Variants in CUX1 observed in about 807,000 individuals in gnomAD.
CUX1 encodes the protein cut like homeobox 1.
Under a neutral mutation model 158.8 loss-of-function variants are expected in CUX1, and 31 were observed. The observed-to-expected ratio is 0.20, with a 90% CI of 0.15 to 0.26. The LOEUF is 0.26. Among genes scored for constraint, CUX1 ranks in the 10% least tolerant of loss-of-function variants. The probability of loss-of-function intolerance (pLI) is 1.00; values close to 1 mark genes in which losing one functional copy is unlikely to be tolerated. For missense variants in CUX1, 1,589 were observed against 2,014.6 expected, an observed-to-expected ratio of 0.79 and a Z score of 4.04; for synonymous variants, 879 against 862.1, an observed-to-expected ratio of 1.02 and a Z score of -0.34.
rs545462729 is a variant in CUX1 at position 102,075,003 on chromosome 7, C to T, written c.268+4586C>T. Among the ~76,000 whole-genome samples, 145 of 152,256 alleles carry T rather than the reference C, an allele frequency of 9.5e-4. 1 individual carries two copies. The highest frequency in any genetic ancestry group is 3.2e-3 in the African/African-American group (133 of 41,554). On this transcript the variant is annotated intron_variant, in intron 4 of 23. Coordinates refer to ENST00000292535, the MANE Select transcript of CUX1 (RefSeq NM_181552.4). Reference sequence around the variant, plus strand: ...CCTCCCAAGTAGCTGGGATTACAGGCGTGCGCCACCACACCTGGCTAATTT... The same window carrying T: ...CCTCCCAAGTAGCTGGGATTACAGGTGTGCGCCACCACACCTGGCTAATTT...
Position 101,869,665 on chromosome 7 carries a change from G to T in CUX1, c.31-46450G>T, listed in dbSNP as rs10229003. On this transcript the variant is annotated intron_variant, in intron 1 of 23. Coordinates refer to ENST00000292535, the MANE Select transcript of CUX1 (RefSeq NM_181552.4). The surrounding 1 kb of genome is among the most constrained non-coding windows in gnomAD (Gnocchi z 4.5). The stretch of plus-strand genomic sequence containing the variant: ...TGGTGTGCACACGCGGGGAGCCTCC[G>T]TGTCCTCAGGACACCATGGAAGACG... Among the ~76,000 whole-genome samples, 58,157 of 151,840 alleles carry T rather than the reference G, an allele frequency of 0.38. 12,482 individuals carry two copies. The highest frequency in any genetic ancestry group is 0.89 in the East Asian group (4,541 of 5,130).
chr7:101,912,209 C>G (rs1315496960), intron 1 of CUX1, among the ~76,000 whole-genome samples: 2 of 148,808 alleles, frequency 1.3e-5, no homozygotes, highest in African/African-American at 5.0e-5. Context: ...CCACCAACCC[C>G]TCTTCCCCCT....
intron 1 of CUX1, among the ~76,000 whole-genome samples, chr7:101,891,504 C>T (rs1800872391): frequency 6.6e-6 from 1 of 152,204 alleles, no homozygotes; most frequent in Non-Finnish European, 1.5e-5. Context: ...GGATTATAGG[C>T]ATAAGCCCTC....
intron 2 of CUX1, among the ~76,000 whole-genome samples, chr7:102,013,901 C>T (rs1022073270): frequency 6.6e-6 from 1 of 151,978 alleles, no homozygotes; most frequent in African/African-American, 2.4e-5. Flanking sequence ...GACAGGGTCT[C>T]GCCATGTTGC....
chr7:102,215,933 C>T (rs1475712519), intron 20 of CUX1, among the ~76,000 whole-genome samples: 1 of 152,242 alleles, frequency 6.6e-6, no homozygotes, highest in Admixed American at 6.5e-5. Context: ...ACCCCCAAGC[C>T]TGCTGTCCAC....
chr7:102,003,243 G>T (rs773373647), intron 2 of CUX1, among the ~76,000 whole-genome samples: 1 of 150,962 alleles, frequency 6.6e-6, no homozygotes, highest in Non-Finnish European at 1.5e-5. Context: ...CAAGGGGCGG[G>T]GGTCTCTGGC....
At chr7:101,944,525 C>CG (rs1379738905) in intron 2 of CUX1, among the ~76,000 whole-genome samples, 1 of 152,182 alleles carries the variant, frequency 6.6e-6, no homozygotes, top group Non-Finnish European at 1.5e-5. Flanking sequence ...ACCAGCAATC[C>CG]AGCCTTCTGC....
At chr7:102,242,757 C>T (rs112297888) in intron 23 of CUX1, among the ~76,000 whole-genome samples, 1 of 152,184 alleles carries the variant, frequency 6.6e-6, no homozygotes, top group African/African-American at 2.4e-5. Context: ...AGTCACTGCC[C>T]CCTGGCCAGG....
chr7:101,972,943 G>C (rs1273881364), intron 2 of CUX1, among the ~76,000 whole-genome samples: 1 of 152,148 alleles, frequency 6.6e-6, no homozygotes, highest in Non-Finnish European at 1.5e-5. Context: ...GTGACCTTAA[G>C]GCGAAAAGCT....
intron 11 of CUX1, chr7:102,186,819 T>C (rs889416626): frequency 6.6e-6 from 1 of 152,168 alleles, no homozygotes; most frequent in African/African-American, 2.4e-5. Context: ...GATCACTTAG[T>C]GTTAGGAGTT....
At chr7:102,140,576 G>A (rs782794182) in intron 8 of CUX1, among the ~76,000 whole-genome samples, 1 of 151,512 alleles carries the variant, frequency 6.6e-6, no homozygotes, top group Non-Finnish European at 1.5e-5. Context: ...TTAAGAGTTC[G>A]AGGCTGGGTG....
At chr7:101,940,920 C>T (rs762740691) in intron 2 of CUX1, among the ~76,000 whole-genome samples, 14 of 152,222 alleles carry the variant, frequency 9.2e-5, no homozygotes, top group Non-Finnish European at 1.5e-4. Flanking sequence ...GTGACTTGCT[C>T]AGAGTCACAC....
chr7:102,084,167 C>T (rs1448328262), intron 4 of CUX1, among the ~76,000 whole-genome samples: 1 of 143,886 alleles, frequency 6.9e-6, no homozygotes, highest in East Asian at 1.9e-4. Context: ...ATTACAGGTG[C>T]GAGATTAAAG....
chr7:102,019,355 G>A (rs9801171), intron 2 of CUX1, among the ~76,000 whole-genome samples: 22,505 of 151,386 alleles, frequency 0.15, 2,221 homozygotes, highest in East Asian at 0.34. Context: ...CTTTGGAGTA[G>A]CTGGGATTAA....
At chr7:101,981,925 A>C (rs1378581060) in intron 2 of CUX1, among the ~76,000 whole-genome samples, 1 of 151,942 alleles carries the variant, frequency 6.6e-6, no homozygotes, top group African/African-American at 2.4e-5. Flanking sequence ...TCAAGTCTTG[A>C]CTCTAATAAA....
At chr7:102,214,135 AAAT>A (rs148043587) in intron 20 of CUX1, among the ~76,000 whole-genome samples, 1 of 151,758 alleles carries the variant, frequency 6.6e-6, no homozygotes, top group African/African-American at 2.4e-5. Context: ...TTCATCTCAA[AAAT>A]AATAATAATA....
intron 1 of CUX1, among the ~76,000 whole-genome samples, chr7:101,881,859 A>G (rs1799743057): frequency 1.3e-5 from 2 of 152,200 alleles, no homozygotes; most frequent in African/African-American, 4.8e-5. Context: ...TTTATAGAAC[A>G]GCCGAACCAT....
At chr7:102,282,068 G>A in intron 21 of CUX1, 1 of 672,260 alleles carries the variant, frequency 1.5e-6, no homozygotes, top group Non-Finnish European at 2.7e-6. Context: ...CCCTTCGAGA[G>A]CCTTGGCCCA....
rs551698687 is a variant in CUX1, at chr7:101,828,465, G to C, written c.30+10796G>C. ...TGACAGAGGTCTGTTTGACTCTGCT[G>C]ACAGCCTGAGTGGGAGGAAACTTCC... On this transcript the variant is annotated intron_variant, in intron 1 of 23. Transcript: ENST00000292535. Among the ~76,000 whole-genome samples the C allele has an allele frequency of 3.7e-4, 56 of 152,342 alleles. No homozygotes were observed. The South Asian group carries it at 0.011, about 31-fold the overall frequency.
Sources: allele counts gnomAD v4.1 joint callset (sites outside exome capture counted in the v4.1 genomes callset), GRCh38; gene constraint gnomAD v4.1.1; non-coding constraint Gnocchi (gnomAD v3.1); transcripts MANE v1.5; gene names NCBI Gene and HGNC (gene_info 2026-07-23, HGNC 2026-07-21).